The following VWA8 variants were observed in gnomAD, a reference collection of about 807,000 sequenced individuals.
VWA8 encodes the protein von Willebrand factor A domain containing 8.
VWA8 carries 221 observed loss-of-function variants against 241.5 expected under a neutral mutation model. That is an observed-to-expected ratio of 0.91 (90% confidence interval 0.82 to 1.02). VWA8 has a LOEUF of 1.02. Among genes scored for constraint, VWA8 ranks in the 50% least tolerant of loss-of-function variants. The probability of loss-of-function intolerance (pLI) is 0.00; values close to 1 mark genes in which losing one functional copy is unlikely to be tolerated. For missense variants in VWA8, 2,322 were observed against 2,328.7 expected (o/e 1.00, Z 0.06); for synonymous variants, 852 against 827.1 (o/e 1.03, Z -0.52).
At chr13:41,831,622 T>TG (rs1871461456) in intron 13 of VWA8, among the ~76,000 whole-genome samples, 1 of 84,688 alleles carries the variant, frequency 1.2e-5, no homozygotes, top group Non-Finnish European at 3.2e-5. Context: ...AGTTTTTTTT[T>TG]TTTTTTTTTT....
chr13:41,802,674 A>G (rs2150486), intron 17 of VWA8, among the ~76,000 whole-genome samples: 109,941 of 152,154 alleles, frequency 0.72, 40,776 homozygotes, highest in East Asian at 0.89. Context: ...AAAGCACTAA[A>G]CAAATTGCTA....
intron 37 of VWA8, among the ~76,000 whole-genome samples, chr13:41,649,140 C>T (rs959467453): frequency 7.9e-5 from 12 of 152,102 alleles, no homozygotes; most frequent in African/African-American, 1.7e-4. Context: ...GCTGAGATTG[C>T]GCCACTGCAG....
intron 17 of VWA8, among the ~76,000 whole-genome samples, chr13:41,792,185 TTC>T (rs1326780142): frequency 2.0e-5 from 3 of 151,954 alleles, no homozygotes; most frequent in African/African-American, 7.2e-5. Flanking sequence ...TTGGAGTTAA[TTC>T]TTTTTCCTTA....
At chr13:41,891,328 C>T in intron 5 of VWA8, 92 bp downstream of exon 5, 1 of 1,476,898 alleles carries the variant, frequency 6.8e-7, no homozygotes, top group Non-Finnish European at 9.3e-7. Context: ...GAACATCTGT[C>T]CTGATTCCAA....
intron 37 of VWA8, among the ~76,000 whole-genome samples, chr13:41,668,456 A>G (rs2045001231): frequency 6.6e-6 from 1 of 152,158 alleles, no homozygotes; most frequent in Admixed American, 6.5e-5. Context: ...ACTTCTATGA[A>G]AGGCATTTTC....
chr13:41,654,502 C>T (rs942737534), intron 37 of VWA8, among the ~76,000 whole-genome samples: 19 of 152,186 alleles, frequency 1.2e-4, no homozygotes, highest in African/African-American at 4.6e-4. Context: ...GATCATCAGG[C>T]ATTAGATTCT....
intron 29 of VWA8, among the ~76,000 whole-genome samples, chr13:41,698,652 C>T (rs1323938476): frequency 6.6e-6 from 1 of 152,078 alleles, no homozygotes; most frequent in Non-Finnish European, 1.5e-5. Flanking sequence ...TTTTTAATAC[C>T]ATTCACCTCA....
chr13:41,766,256 G>T (rs1424839642), intron 20 of VWA8, among the ~76,000 whole-genome samples: 3 of 152,098 alleles, frequency 2.0e-5, no homozygotes, highest in Admixed American at 2.0e-4. Flanking sequence ...GGACTTTGGG[G>T]CTTTTCTTCC....
chr13:41,941,446 C>T (rs1877594152), intron 2 of VWA8, among the ~76,000 whole-genome samples: 1 of 152,206 alleles, frequency 6.6e-6, no homozygotes, highest in Non-Finnish European at 1.5e-5. Flanking sequence ...TCTTGCTACA[C>T]TGCAAACACA....
At position 41,865,809 on chromosome 13, in the gene VWA8, C is replaced by A. The variant is rs776124885; in HGVS notation, c.1352G>T (p.Cys451Phe). 1 of 1,614,146 alleles carries A rather than the reference C, an allele frequency of 6.2e-7. No individual in the cohort carries two copies. Among genetic ancestry groups the A allele is most frequent in the South Asian group, 1.1e-5 (1 of 91,080 alleles). Residue 451 changes from cysteine (C) to phenylalanine (F), a missense_variant, in exon 12 of 45, where the codon TGT (cysteine) becomes TTT (phenylalanine). Coordinates refer to ENST00000379310, the MANE Select transcript of VWA8 (RefSeq NM_015058.2). ...KDICLIGGKGCGKTVIAKNFA... is the reference protein window; with the variant it reads ...KDICLIGGKGFGKTVIAKNFA... ...GTTCTTAGCGATCACTGTTTTTCCA[C>A]AACCCTACAAATGGAAAAAATTATT... is the stretch of plus-strand genomic sequence containing the variant.
chr13:41,604,279 T>C (rs1413713279), intron 40 of VWA8, among the ~76,000 whole-genome samples: 1 of 152,212 alleles, frequency 6.6e-6, no homozygotes, highest in African/African-American at 2.4e-5. Context: ...TTATATAAAA[T>C]CTTATGCTGT....
At chr13:41,954,969 C>A (rs1251144651) in intron 1 of VWA8, among the ~76,000 whole-genome samples, 1 of 152,126 alleles carries the variant, frequency 6.6e-6, no homozygotes, top group South Asian at 2.1e-4. Flanking sequence ...GTCTACAGGA[C>A]TCTTTTTTTC....
chr13:41,931,041 C>A (rs1052186888), intron 2 of VWA8, among the ~76,000 whole-genome samples: 2 of 151,092 alleles, frequency 1.3e-5, no homozygotes, highest in Non-Finnish European at 2.9e-5. Context: ...CCCAGCTACT[C>A]AGGAGACTGA....
At chr13:41,773,118 CAT>C (rs1016229734) in intron 20 of VWA8, among the ~76,000 whole-genome samples, 2 of 152,206 alleles carry the variant, frequency 1.3e-5, no homozygotes, top group African/African-American at 4.8e-5. Flanking sequence ...AATTGCTACA[CAT>C]GATTCATTTA....
chr13:41,653,351 G>A (rs549631363), intron 37 of VWA8, among the ~76,000 whole-genome samples: 7 of 152,204 alleles, frequency 4.6e-5, no homozygotes, highest in South Asian at 4.1e-4. Context: ...GCTAATCAGC[G>A]AGATAAAAGA....
chr13:41,591,197 T>A (rs1001125104), intron 40 of VWA8, among the ~76,000 whole-genome samples: 7 of 152,218 alleles, frequency 4.6e-5, no homozygotes, highest in African/African-American at 1.7e-4. Context: ...TTACTCAAGT[T>A]CTCTGGGACT....
At chr13:41,897,732 G>A (rs916577721) in intron 4 of VWA8, among the ~76,000 whole-genome samples, 1 of 152,090 alleles carries the variant, frequency 6.6e-6, no homozygotes, top group Non-Finnish European at 1.5e-5. Flanking sequence ...GCAGACCTTC[G>A]CTGTGAGTGT....
At chr13:41,829,579 A>G (rs1243024771) in intron 14 of VWA8, among the ~76,000 whole-genome samples, 2 of 151,784 alleles carry the variant, frequency 1.3e-5, no homozygotes, top group Non-Finnish European at 2.9e-5. Flanking sequence ...GCACACACAC[A>G]CACACCATGG....
chr13:41,796,563 C>T (rs9566851), intron 17 of VWA8, among the ~76,000 whole-genome samples: 6,609 of 152,022 alleles, frequency 0.043, 169 homozygotes, highest in East Asian at 0.11. Flanking sequence ...ATTAAATTTA[C>T]CAAGGCTTTA....
Sources: gnomAD v4.1 joint callset for allele counts (sites outside exome capture counted in the v4.1 genomes callset) on GRCh38, gnomAD v4.1.1 for gene constraint, MANE v1.5 for transcripts, NCBI Gene and HGNC (gene_info 2026-07-23, HGNC 2026-07-21) for gene names.